The following ADAM23 variants were observed in gnomAD, a reference collection of about 807,000 sequenced individuals.
The protein encoded by ADAM23 is ADAM metallopeptidase domain 23.
A neutral mutation model predicts 120.1 loss-of-function variants in ADAM23; 33 were observed. The observed-to-expected ratio is 0.27, with a 90% CI of 0.21 to 0.37. The LOEUF is 0.37. Ranked by LOEUF, ADAM23 falls within the 10% of genes least tolerant of loss-of-function variation. ADAM23 has a pLI of 1.00. For synonymous variants in ADAM23, 367 were observed against 375.2 expected, an observed-to-expected ratio of 0.98 and a Z score of 0.25; for missense variants, 862 against 1,058.2, an observed-to-expected ratio of 0.81 and a Z score of 2.57.
At chr2:206,555,958 G>T (rs1421508770) in intron 9 of ADAM23, among the ~76,000 whole-genome samples, 2 of 152,102 alleles carry the variant, frequency 1.3e-5, no homozygotes, top group African/African-American at 4.8e-5. Context: ...AAAATGCTGA[G>T]CTATCTATAG....
intron 18 of ADAM23, among the ~76,000 whole-genome samples, chr2:206,581,328 T>C (rs1222695168): frequency 6.6e-5 from 10 of 152,234 alleles, no homozygotes; most frequent in Non-Finnish European, 1.5e-4. Context: ...TGTCTGTCTG[T>C]GCTCTTTCAG....
intron 9 of ADAM23, among the ~76,000 whole-genome samples, chr2:206,552,524 T>C (rs945242609): frequency 6.6e-6 from 1 of 152,190 alleles, no homozygotes; most frequent in Non-Finnish European, 1.5e-5. Context: ...AGCATACTTC[T>C]TAAAATATTA....
Position 206,443,537 on chromosome 2 carries a change from C to G in ADAM23, c.-330C>G, listed in dbSNP as rs1694997989. Reference sequence around the variant, plus strand: ...CTCCCGCGCGCCGCCTCAGCATCCTCAGGCCCGGCGGCAGCCCCCGCAGTC... The same window carrying G: ...CTCCCGCGCGCCGCCTCAGCATCCTGAGGCCCGGCGGCAGCCCCCGCAGTC... On this transcript the variant is annotated 5_prime_UTR_variant, in exon 1 of 26. Coordinates refer to ENST00000264377, the MANE Select transcript of ADAM23 (RefSeq NM_003812.4). 1 of 148,096 alleles carries G rather than the reference C, an allele frequency of 6.8e-6. No homozygotes were observed. The highest frequency in any genetic ancestry group is 2.4e-5 in the African/African-American group (1 of 41,136). 9.2% of individuals were successfully genotyped at this position (148,096 alleles called of 1,614,324 possible).
chr2:206,508,299 T>A (rs1328053027), intron 3 of ADAM23, among the ~76,000 whole-genome samples: 1 of 152,182 alleles, frequency 6.6e-6, no homozygotes, highest in Non-Finnish European at 1.5e-5. Context: ...GTGCTGGGAT[T>A]ACAGGCGTGA....
intron 18 of ADAM23, among the ~76,000 whole-genome samples, chr2:206,584,722 C>G (rs937104450): frequency 2.0e-5 from 3 of 152,106 alleles, no homozygotes; most frequent in African/African-American, 7.2e-5. Context: ...GTCTGCACAC[C>G]CGATTGGTGC....
chr2:206,533,960 A>C (rs1057417059), intron 4 of ADAM23, among the ~76,000 whole-genome samples: 1 of 152,226 alleles, frequency 6.6e-6, no homozygotes, highest in Non-Finnish European at 1.5e-5. Flanking sequence ...ATATATAATA[A>C]AACTATTTTG....
At position 206,559,957 on chromosome 2, in the gene ADAM23, T is replaced by A. The variant is rs770992807; in HGVS notation, c.1008T>A (p.Ile336=). 1 of 1,612,332 alleles carries A rather than the reference T, an allele frequency of 6.2e-7. No individual in the cohort carries two copies. The highest frequency in any genetic ancestry group is 1.3e-5 in the African/African-American group (1 of 74,868). ...CCTGTCCTGTTGTATACCCTCAGATTTACAAGGAGCAGCTCAACACCAGGG... is the reference window on the plus strand; with the variant it reads ...CCTGTCCTGTTGTATACCCTCAGATATACAAGGAGCAGCTCAACACCAGGG... ...AKSVVNLVDS[I]YKEQLNTRVV... Residue 336 remains isoleucine (I), a splice_region_variant and synonymous_variant, in exon 11 of 26, where the codon ATT becomes ATA. Transcript: ENST00000264377.
chr2:206,606,818 A>G lies in ADAM23; in HGVS notation c.2360-3092A>G, dbSNP rs1698737306. On this transcript the variant is annotated intron_variant, in intron 24 of 25. Transcript: ENST00000264377. ...AGAATATTTAAGAATGGCAGACATA[A>G]CCCTTTACACAGTCTTTTCTGTCTA... The G allele has an allele frequency of 2.0e-5, 3 of 152,120 alleles. No homozygotes were observed. The South Asian group carries it at 6.2e-4, about 32-fold the overall frequency. The allele number at this position is 152,120 out of a possible 1,614,324, so 9.4% of individuals were successfully genotyped here.
chr2:206,552,052 G>T (rs1345234863), intron 9 of ADAM23, among the ~76,000 whole-genome samples: 1 of 152,066 alleles, frequency 6.6e-6, no homozygotes, highest in Non-Finnish European at 1.5e-5. Context: ...TATTTTTGTT[G>T]ATTGGAACAT....
chr2:206,576,392 C>T (rs1698113059), intron 18 of ADAM23, among the ~76,000 whole-genome samples: 2 of 151,944 alleles, frequency 1.3e-5, no homozygotes, highest in African/African-American at 2.4e-5. Flanking sequence ...CTTTGTTTAA[C>T]CTAATATTCT....
intron 3 of ADAM23, among the ~76,000 whole-genome samples, chr2:206,504,308 G>T (rs1696451221): frequency 6.6e-6 from 1 of 152,020 alleles, no homozygotes; most frequent in African/African-American, 2.4e-5. Context: ...CTGTTTTCTT[G>T]TTATATAGGT....
chr2:206,606,370 G>A (rs1338248161), intron 24 of ADAM23: 5 of 152,192 alleles, frequency 3.3e-5, no homozygotes, highest in East Asian at 1.9e-4. Flanking sequence ...TATTTAGAAT[G>A]ATATAGGAGG....
At chr2:206,510,869 G>A (rs1424927309) in intron 3 of ADAM23, among the ~76,000 whole-genome samples, 1 of 152,138 alleles carries the variant, frequency 6.6e-6, no homozygotes, top group East Asian at 1.9e-4. Context: ...ACTTCCAGGT[G>A]TACTAACACT....
chr2:206,509,019 A>G (rs1696565617), intron 3 of ADAM23, among the ~76,000 whole-genome samples: 1 of 152,252 alleles, frequency 6.6e-6, no homozygotes, highest in Admixed American at 6.5e-5. Flanking sequence ...TCAGTAGTGA[A>G]GTTAGAGACC....
In ADAM23 at chr2:206,562,215, A is replaced by G. The variant is rs1661318784; in HGVS notation, c.1267A>G (p.Met423Val). ...CTCTGAAAAACAGTATGGTCTTCCAATGGCAGTGGCACAAGTATTATCGCA... is the reference window on the plus strand; with the variant it reads ...CTCTGAAAAACAGTATGGTCTTCCAGTGGCAGTGGCACAAGTATTATCGCA... ...GVGVNEYGLP[M>V]AVAQVLSQSL... is the part of the protein sequence containing the mutation. The change falls in exon 13 of 26, where the codon ATG becomes GTG. Residue 423 changes from methionine (M) to valine (V), a missense_variant. Met to Val is a conservative substitution (Grantham distance 21, BLOSUM62 1). This residue lies in a region of ADAM23 where 617 missense variants were observed against 813.5 expected (regional missense o/e 0.76). Transcript: ENST00000264377. 4 of 1,614,012 alleles carry G rather than the reference A, an allele frequency of 2.5e-6. No individual in the cohort carries two copies. The highest frequency in any genetic ancestry group is 1.3e-5 in the African/African-American group (1 of 75,062).
intron 22 of ADAM23, 82 bp downstream of exon 22, chr2:206,592,818 T>A: frequency 6.7e-7 from 1 of 1,502,748 alleles, no homozygotes; most frequent in Non-Finnish European, 9.0e-7. Context: ...AAATCAGAAA[T>A]CAAAGATTTT....
intron 9 of ADAM23, among the ~76,000 whole-genome samples, chr2:206,552,316 A>G (rs1043378022): frequency 2.0e-5 from 3 of 152,198 alleles, no homozygotes; most frequent in African/African-American, 7.2e-5. Flanking sequence ...TATATCAGGA[A>G]AGTACATGAA....
rs1460426392 is a variant in ADAM23, at chr2:206,565,005, G to T, written c.1346-15G>T. Reference sequence around the variant, plus strand: ...TCCTTTTTCTTCTGTTGCTTTTATTGTTTTATTGGACCAGAATGTGACTGC... The same window carrying T: ...TCCTTTTTCTTCTGTTGCTTTTATTTTTTTATTGGACCAGAATGTGACTGC... On this transcript the variant is annotated splice_polypyrimidine_tract_variant and intron_variant, in intron 13 of 25. Transcript: ENST00000264377. 6 of 1,612,868 alleles carry T rather than the reference G, an allele frequency of 3.7e-6. 1 individual carries two copies. In the African/African-American group the frequency reaches 5.3e-5, roughly 14 times the overall value.
intron 3 of ADAM23, among the ~76,000 whole-genome samples, chr2:206,491,191 T>C (rs575838746): frequency 1.3e-5 from 2 of 152,016 alleles, no homozygotes; most frequent in East Asian, 3.9e-4. Flanking sequence ...CAATAATTAT[T>C]GTGAGTGACT....
Sources: allele counts gnomAD v4.1 joint callset (sites outside exome capture counted in the v4.1 genomes callset), GRCh38; gene constraint gnomAD v4.1.1; regional missense constraint gnomAD v4.1.1; transcripts MANE v1.5; gene names NCBI Gene and HGNC (gene_info 2026-07-23, HGNC 2026-07-21).